Variants in EXT1 observed in about 807,000 individuals in gnomAD.
The protein encoded by EXT1 is exostosin glycosyltransferase 1.
Under a neutral mutation model 82.5 loss-of-function variants are expected in EXT1, and 20 were observed. The observed-to-expected ratio is 0.24, with a 90% CI of 0.17 to 0.35. EXT1 has a LOEUF of 0.35. EXT1 is among the 10% of genes least tolerant of loss of function. EXT1 has a pLI of 1.00. For missense variants in EXT1, 757 were observed against 936.5 expected (o/e 0.81, Z 2.50); for synonymous variants, 348 against 350.8 (o/e 0.99, Z 0.09).
intron 1 of EXT1, among the ~76,000 whole-genome samples, chr8:117,923,456 A>C (rs560699666): frequency 4.0e-5 from 6 of 151,118 alleles, no homozygotes; most frequent in African/African-American, 9.7e-5. Context: ...GGTGGCTCAC[A>C]CCTGTAATCC....
At chr8:118,076,936 A>T (rs1291514279) in intron 1 of EXT1, among the ~76,000 whole-genome samples, 3 of 152,182 alleles carry the variant, frequency 2.0e-5, no homozygotes, top group Non-Finnish European at 4.4e-5. Context: ...CTTGGAAAGC[A>T]ATGTTACAAT....
intron 1 of EXT1, among the ~76,000 whole-genome samples, chr8:118,028,922 C>G (rs1816250804): frequency 6.6e-6 from 1 of 150,542 alleles, no homozygotes; most frequent in Admixed American, 6.6e-5. Flanking sequence ...AATTCCATCT[C>G]AAAGAAAAAA....
At position 117,892,369 on chromosome 8, in the gene EXT1, A is replaced by C. The variant is rs1813259402; in HGVS notation, c.963-55168T>G. Among the ~76,000 whole-genome samples the C allele has an allele frequency of 2.0e-5, 3 of 152,240 alleles. No homozygotes were observed. In the South Asian group the frequency reaches 6.2e-4, roughly 31 times the overall value. On this transcript the variant is annotated intron_variant, in intron 1 of 10. Transcript: ENST00000378204. Reference sequence around the variant, plus strand: ...ATGAGGATTCTTGCCAGCAAAAGCCAGCTTGAATCTGGTAAGAAAACTGCT... The same window carrying C: ...ATGAGGATTCTTGCCAGCAAAAGCCCGCTTGAATCTGGTAAGAAAACTGCT...
intron 1 of EXT1, among the ~76,000 whole-genome samples, chr8:117,899,860 C>G (rs9297572): frequency 0.05 from 7,609 of 152,262 alleles, 639 homozygotes; most frequent in African/African-American, 0.17. Flanking sequence ...CTGTTTGCCA[C>G]TGGGCATCAA....
chr8:117,819,920 T>C, intron 5 of EXT1, 126 bp from the exon 6 acceptor site: 1 of 893,718 alleles, frequency 1.1e-6, no homozygotes, highest in East Asian at 2.4e-5. Flanking sequence ...CTCCTTTGCT[T>C]CTTATGTCCT....
At chr8:118,057,342 C>G (rs1011509294) in intron 1 of EXT1, among the ~76,000 whole-genome samples, 1 of 151,840 alleles carries the variant, frequency 6.6e-6, no homozygotes. Flanking sequence ...GATTTCAAGA[C>G]TAGCCTGGTC....
In EXT1 at chr8:117,972,561, C is replaced by T. The variant is rs73323973; in HGVS notation, c.963-135360G>A. Among the ~76,000 whole-genome samples the T allele has an allele frequency of 6.3e-3, 963 of 152,314 alleles. 14 individuals carry two copies. Among genetic ancestry groups the T allele is most frequent in the African/African-American group, 0.022 (922 of 41,572 alleles). ...AAAAAAATGCAAACACTCACGCACA[C>T]ATACTATGGTGGCAAATGCAAAATC... On this transcript the variant is annotated intron_variant, in intron 1 of 10. Transcript: ENST00000378204.
At chr8:118,080,261 T>C (rs1198709493) in intron 1 of EXT1, among the ~76,000 whole-genome samples, 2 of 152,190 alleles carry the variant, frequency 1.3e-5, no homozygotes, top group Non-Finnish European at 2.9e-5. Context: ...AACAAGAACT[T>C]CGTACCACCC....
At chr8:117,840,478 A>G (rs1253626560) in intron 1 of EXT1, among the ~76,000 whole-genome samples, 1 of 152,000 alleles carries the variant, frequency 6.6e-6, no homozygotes, top group East Asian at 1.9e-4. Flanking sequence ...TGGGCATGGT[A>G]GCACATGCCT....
intron 4 of EXT1, among the ~76,000 whole-genome samples, 200 bp from the exon 5 acceptor site, chr8:117,822,797 A>T (rs1811947515): frequency 6.6e-6 from 1 of 152,182 alleles, no homozygotes; most frequent in Admixed American, 6.5e-5. Flanking sequence ...AAACATATGA[A>T]TTATAGCCAA....
chr8:117,819,878 T>C, intron 5 of EXT1, 84 bp from the exon 6 acceptor site: 1 of 1,261,110 alleles, frequency 7.9e-7, no homozygotes, highest in Non-Finnish European at 1.2e-6. Context: ...CGCTGCCTCA[T>C]GCTGGAGCAA....
chr8:118,096,746 A>T (rs1433446208), intron 1 of EXT1, among the ~76,000 whole-genome samples: 2 of 152,106 alleles, frequency 1.3e-5, no homozygotes, highest in Non-Finnish European at 2.9e-5. Context: ...ACCTTGGGGA[A>T]AAAAAGGTTC....
chr8:118,055,010 C>A (rs754357248), intron 1 of EXT1, among the ~76,000 whole-genome samples: 18 of 151,634 alleles, frequency 1.2e-4, no homozygotes, highest in Non-Finnish European at 2.2e-4. Flanking sequence ...AATTGATATG[C>A]GATAAATTGC....
chr8:117,907,741 TC>T (rs968771814), intron 1 of EXT1, among the ~76,000 whole-genome samples: 4 of 152,194 alleles, frequency 2.6e-5, no homozygotes, highest in African/African-American at 9.7e-5. Flanking sequence ...CTATTCTAGG[TC>T]TTCCTGATTA....
At chr8:118,084,432 A>G (rs571352893) in intron 1 of EXT1, among the ~76,000 whole-genome samples, 1 of 152,284 alleles carries the variant, frequency 6.6e-6, no homozygotes, top group South Asian at 2.1e-4. Flanking sequence ...CATCTCTTTC[A>G]CTGGGCTGCA....
At chr8:117,892,728 G>A (rs1813267310) in intron 1 of EXT1, among the ~76,000 whole-genome samples, 1 of 152,218 alleles carries the variant, frequency 6.6e-6, no homozygotes, top group Admixed American at 6.5e-5. Flanking sequence ...AGAGGTAACT[G>A]TGGCTTGCAC....
intron 1 of EXT1, among the ~76,000 whole-genome samples, chr8:118,056,702 G>A (rs1264903177): frequency 2.0e-5 from 3 of 152,182 alleles, no homozygotes; most frequent in African/African-American, 7.2e-5. Flanking sequence ...TAGACAGTAA[G>A]CTTCCCACAA....
chr8:118,018,014 C>T (rs1816032096), intron 1 of EXT1, among the ~76,000 whole-genome samples: 1 of 152,192 alleles, frequency 6.6e-6, no homozygotes, highest in African/African-American at 2.4e-5. Context: ...ATTCATTGCA[C>T]AAGCAATTTT....
intron 1 of EXT1, among the ~76,000 whole-genome samples, chr8:117,907,100 T>A (rs4256623): frequency 0.82 from 124,997 of 152,162 alleles, 51,402 homozygotes; most frequent in Non-Finnish European, 0.85. Flanking sequence ...TTCCTCAAGG[T>A]ATCCCTTCTT....
Sources: gnomAD v4.1 joint callset for allele counts (sites outside exome capture counted in the v4.1 genomes callset) on GRCh38, gnomAD v4.1.1 for gene constraint, MANE v1.5 for transcripts, NCBI Gene and HGNC (gene_info 2026-07-23, HGNC 2026-07-21) for gene names.